The following ECE1 variants were observed in gnomAD, a reference collection of about 807,000 sequenced individuals.
ECE1 encodes endothelin converting enzyme 1, also known as endothelin-converting enzyme 1.
Under a neutral mutation model 98.6 loss-of-function variants are expected in ECE1, and 35 were observed. The observed-to-expected ratio is 0.35, with a 90% CI of 0.27 to 0.47. ECE1 has a LOEUF of 0.47. Ranked by LOEUF, ECE1 falls within the 20% of genes least tolerant of loss-of-function variation. The pLI is 1.00. For missense variants in ECE1, 814 were observed against 1,025.3 expected (o/e 0.79, Z 2.81); for synonymous variants, 394 against 407.1 (o/e 0.97, Z 0.39).
At chr1:21,291,242 C>T (rs987581912), upstream of ECE1, among the ~76,000 whole-genome samples, 6 of 152,218 alleles carry the variant, frequency 3.9e-5, no homozygotes, top group African/African-American at 9.6e-5. Flanking sequence ...ACTGTCCCAA[C>T]CAAGAACCCC....
In ECE1 at chr1:21,334,320, C is replaced by T. The variant is rs76113708; in HGVS notation, c.3+11056G>A. On this transcript the variant is annotated intron_variant, in intron 1 of 18. Transcript: ENST00000415912. ...TCTCTCTGGCTCCCAGCCACCACACCGGAAGCCCAACAGGATGCCGAGTAA... is the reference window on the plus strand; with the variant it reads ...TCTCTCTGGCTCCCAGCCACCACACTGGAAGCCCAACAGGATGCCGAGTAA... Among the ~76,000 whole-genome samples, 45 of 152,356 alleles carry T rather than the reference C, an allele frequency of 3.0e-4. No homozygotes were observed. In the East Asian group the frequency reaches 8.1e-3, roughly 27 times the overall value.
chr1:21,272,883 A>C lies in ECE1; in HGVS notation c.309T>G (p.Ala103=). The change falls in exon 4 of 19, where the codon GCT becomes GCG. Residue 103 remains alanine, a synonymous_variant. Coordinates refer to ENST00000374893, the MANE Select transcript of ECE1 (RefSeq NM_001397.3). Reference sequence around the variant, plus strand: ...AGATGGAGCTGGTCACTGAGACACAAGCTTCGCTCAGGCACACAGAGGGGG... The same window carrying C: ...AGATGGAGCTGGTCACTGAGACACACGCTTCGCTCAGGCACACAGAGGGGG... ...TRSPSVCLSE[A]CVSVTSSILS... The C allele has an allele frequency of 6.2e-7, 1 of 1,614,200 alleles. No individual in the cohort carries two copies. Among genetic ancestry groups the C allele is most frequent in the Non-Finnish European group, 8.5e-7 (1 of 1,180,016 alleles).
At chr1:21,329,163 C>G (rs945455588) in intron 1 of ECE1, among the ~76,000 whole-genome samples, 1 of 152,204 alleles carries the variant, frequency 6.6e-6, no homozygotes, top group Non-Finnish European at 1.5e-5. Context: ...ATCAGGCATT[C>G]TGCTGGAAAT....
rs527372062 is a variant in ECE1, at chr1:21,227,214, A to G, written c.1794T>C (p.Phe598=). The G allele has an allele frequency of 6.2e-7, 1 of 1,614,114 alleles. No homozygotes were observed. The highest frequency in any genetic ancestry group is 1.1e-5 in the South Asian group (1 of 91,084). ...GGCCCACGACGACACCTATGCCACC[A>G]AAGTTTAAGGCCCTGGAGGGAAAGA... ...YTRSSPKALN[F]GGIGVVVGHE... is the part of the protein sequence containing the mutation. Residue 598 remains phenylalanine, a synonymous_variant, in exon 16 of 19, where the codon TTT becomes TTC. Transcript: ENST00000374893.
At chr1:21,238,623 C>T (rs1433541042) in intron 10 of ECE1, among the ~76,000 whole-genome samples, 3 of 152,140 alleles carry the variant, frequency 2.0e-5, no homozygotes, top group Admixed American at 1.3e-4. Context: ...TGCCTGACTC[C>T]ACATCCTATG....
intron 10 of ECE1, among the ~76,000 whole-genome samples, chr1:21,241,395 G>A (rs914745780): frequency 1.3e-5 from 2 of 151,334 alleles, no homozygotes; most frequent in Non-Finnish European, 2.9e-5. Context: ...TGGCCAAAGG[G>A]ATCACCCAGG....
rs748463589 is a variant in ECE1 at position 21,238,253 on chromosome 1, C to T, written c.1279-9G>A. 6.2e-7 allele frequency: 1 copy of T among 1,611,892 alleles called. No individual in the cohort carries two copies. Among genetic ancestry groups the T allele is most frequent in the Admixed American group, 1.7e-5 (1 of 59,926 alleles). On this transcript the variant is annotated splice_polypyrimidine_tract_variant and intron_variant, in intron 10 of 18. Coordinates refer to ENST00000374893, the MANE Select transcript of ECE1 (RefSeq NM_001397.3). ...CAGCGAGGAAGACAGGTCTGGAAAA[C>T]ACAAGTCAGGGGGCTCGCTGGGCCC...
intron 10 of ECE1, among the ~76,000 whole-genome samples, chr1:21,243,450 C>A (rs2098199216): frequency 6.6e-6 from 1 of 150,688 alleles, no homozygotes; most frequent in Non-Finnish European, 1.5e-5. Flanking sequence ...CCAGGCTGGG[C>A]TCAGGTGATC....
chr1:21,220,127 C>T lies in ECE1; in HGVS notation c.2141G>A (p.Trp714Ter). ...QLFFLGFAQV[W>*]CSVRTPESSH... ...GCTCTCAGGTGTGCGGACGGAGCACCAGACCTTTGAAGGGGCAACAGGGAG... is the reference window on the plus strand; with the variant it reads ...GCTCTCAGGTGTGCGGACGGAGCACTAGACCTTTGAAGGGGCAACAGGGAG... The change falls in exon 19 of 19, where the codon TGG (tryptophan) becomes TAG (stop). Residue 714 changes from tryptophan (W) to a stop codon, truncating the protein, a stop_gained. Transcript: ENST00000374893. LOFTEE classifies it high-confidence loss of function. This position sits in a 1 kb window ranked among gnomAD's most constrained non-coding sequence, Gnocchi z 5.0. 1 of 1,610,608 alleles carries T rather than the reference C, an allele frequency of 6.2e-7. No individual in the cohort carries two copies. Among genetic ancestry groups the T allele is most frequent in the Non-Finnish European group, 8.5e-7 (1 of 1,177,510 alleles).
intron 1 of ECE1, among the ~76,000 whole-genome samples, chr1:21,325,399 C>T (rs1321873956): frequency 6.6e-6 from 1 of 152,226 alleles, no homozygotes; most frequent in Non-Finnish European, 1.5e-5. Context: ...AGTTCCTCAT[C>T]CAGATTGAAA....
At chr1:21,318,004 G>C (rs1438868524) in intron 1 of ECE1, among the ~76,000 whole-genome samples, 1 of 152,238 alleles carries the variant, frequency 6.6e-6, no homozygotes, top group East Asian at 1.9e-4. Context: ...ATGCAAAGCA[G>C]GGCCTGCCCC....
In ECE1 at chr1:21,223,583, G is replaced by A. The variant is rs55995335; in HGVS notation, c.2040+1667C>T. Among the ~76,000 whole-genome samples the A allele has an allele frequency of 1.9e-3, 282 of 152,116 alleles. 4 individuals carry two copies. Among genetic ancestry groups the A allele is most frequent in the Non-Finnish European group, 3.1e-3 (212 of 67,988 alleles). Reference sequence around the variant, plus strand: ...CCGGGTTCAAGCAATTCCCTGCCTCGGCCTCCCGAGTAGCTGGGATTACTG... The same window carrying A: ...CCGGGTTCAAGCAATTCCCTGCCTCAGCCTCCCGAGTAGCTGGGATTACTG... On this transcript the variant is annotated intron_variant, in intron 17 of 18. Coordinates refer to ENST00000374893, the MANE Select transcript of ECE1 (RefSeq NM_001397.3).
chr1:21,270,636 G>C (rs2098239142), intron 4 of ECE1, among the ~76,000 whole-genome samples: 1 of 152,194 alleles, frequency 6.6e-6, no homozygotes, highest in Admixed American at 6.5e-5. Flanking sequence ...GTCAAATGCT[G>C]TGCAAAGGTC....
chr1:21,238,581 T>C (rs2098191434), intron 10 of ECE1, among the ~76,000 whole-genome samples: 1 of 152,068 alleles, frequency 6.6e-6, no homozygotes, highest in South Asian at 2.1e-4. Flanking sequence ...GCCCCACGAG[T>C]GACAAGTGTT....
chr1:21,272,441 G>A (rs970130489), intron 4 of ECE1, among the ~76,000 whole-genome samples: 7 of 152,296 alleles, frequency 4.6e-5, no homozygotes, highest in African/African-American at 1.2e-4. Context: ...ACAGGCGCAC[G>A]CCACCATGCC....
In ECE1 at chr1:21,220,936, A is replaced by C. The variant is rs927551525; in HGVS notation, c.2137-805T>G. ...GTGTAGGGCTGGTGTGCCACCCCCC[A>C]TGCCAGCAGCCTCTAACGCAGTTGT... On this transcript the variant is annotated intron_variant, in intron 18 of 18. Transcript: ENST00000374893. This position sits in a 1 kb window ranked among gnomAD's most constrained non-coding sequence, Gnocchi z 5.0. Among the ~76,000 whole-genome samples, 1 of 152,108 alleles carries C rather than the reference A, an allele frequency of 6.6e-6. No homozygotes were observed. The highest frequency in any genetic ancestry group is 2.4e-5 in the African/African-American group (1 of 41,412).
upstream of ECE1, among the ~76,000 whole-genome samples, chr1:21,292,010 G>A (rs1361960829): frequency 6.6e-6 from 1 of 150,650 alleles, no homozygotes; most frequent in Non-Finnish European, 1.5e-5. Context: ...TTTTTAATTA[G>A]CAGGACGTGG....
In ECE1 at chr1:21,227,064, C is replaced by T. The variant is rs914261569; in HGVS notation, c.1849+95G>A. 211 of 1,276,918 alleles carry T rather than the reference C, an allele frequency of 1.7e-4. No homozygotes were observed. In the African/African-American group the frequency reaches 2.9e-3, roughly 17 times the overall value. 79.1% of individuals were successfully genotyped at this position (1,276,918 alleles called of 1,614,324 possible). On this transcript the variant is annotated intron_variant, in intron 16 of 18. Coordinates refer to ENST00000374893, the MANE Select transcript of ECE1 (RefSeq NM_001397.3). ...TAGAGATGGAGGTCTTGCTATGTTG[C>T]CCAGGCTGGTCTCAAACTCCTGCCC...
In ECE1 at chr1:21,258,388, C is replaced by T. The variant is rs2098222624; in HGVS notation, c.762+305G>A. Among the ~76,000 whole-genome samples the T allele has an allele frequency of 6.6e-6, 1 of 152,188 alleles. No homozygotes were observed. Among genetic ancestry groups the T allele is most frequent in the Admixed American group, 6.5e-5 (1 of 15,272 alleles). Reference sequence around the variant, plus strand: ...CCATTCCAAGAAGAGTTACAAAGAGCAGACGCTAAGGAGGGGGAAACCAGG... The same window carrying T: ...CCATTCCAAGAAGAGTTACAAAGAGTAGACGCTAAGGAGGGGGAAACCAGG... On this transcript the variant is annotated intron_variant, in intron 6 of 18. Transcript: ENST00000374893. This position sits in a 1 kb window ranked among gnomAD's most constrained non-coding sequence, Gnocchi z 4.2.
Sources: allele counts gnomAD v4.1 joint callset (sites outside exome capture counted in the v4.1 genomes callset), GRCh38; gene constraint gnomAD v4.1.1; non-coding constraint Gnocchi (gnomAD v3.1); transcripts MANE v1.5; gene names NCBI Gene and HGNC (gene_info 2026-07-23, HGNC 2026-07-21).